Variants in ASIC2 observed in about 807,000 individuals in gnomAD.
The protein encoded by ASIC2 is acid sensing ion channel subunit 2.
In ASIC2, 25 loss-of-function variants were observed where a neutral mutation model predicts 57.3. The ratio of observed to expected loss-of-function variants is 0.44; its 90% confidence interval spans 0.32 to 0.61. ASIC2 has a LOEUF of 0.61. ASIC2 is among the 20% of genes least tolerant of loss of function. The probability of loss-of-function intolerance (pLI) is 0.06; values close to 1 mark genes in which losing one functional copy is unlikely to be tolerated. For missense variants in ASIC2, 641 were observed against 738.1 expected, an observed-to-expected ratio of 0.87 and a Z score of 1.52; for synonymous variants, 319 against 307.5, an observed-to-expected ratio of 1.04 and a Z score of -0.39.
intron 1 of ASIC2, among the ~76,000 whole-genome samples, chr17:33,261,921 C>T (rs4795757): frequency 6.6e-6 from 1 of 151,994 alleles, no homozygotes; most frequent in Non-Finnish European, 1.5e-5. Flanking sequence ...ATCTGGGTGC[C>T]GTGGCCTCTT....
intron 1 of ASIC2, among the ~76,000 whole-genome samples, chr17:33,728,314 C>T (rs1909628187): frequency 6.6e-6 from 1 of 152,106 alleles, no homozygotes; most frequent in Non-Finnish European, 1.5e-5. Context: ...CAGACCTCAC[C>T]ACAGACTCAG....
At chr17:33,178,940 C>T (rs1714564272) in intron 1 of ASIC2, among the ~76,000 whole-genome samples, 1 of 152,196 alleles carries the variant, frequency 6.6e-6, no homozygotes, top group African/African-American at 2.4e-5. Flanking sequence ...TCATTGCAGC[C>T]CAGAACTCAT....
chr17:33,258,599 G>C (rs185878403), intron 1 of ASIC2, among the ~76,000 whole-genome samples: 1 of 152,304 alleles, frequency 6.6e-6, no homozygotes, highest in East Asian at 1.9e-4. Context: ...GGTAGTAGAG[G>C]TGAGTTTGTT....
chr17:33,783,114 C>T lies in ASIC2; in HGVS notation c.555+372864G>A, dbSNP rs574609251. On this transcript the variant is annotated intron_variant, in intron 1 of 9. Coordinates refer to the ASIC2 transcript ENST00000359872. ...TTCACCCCATCACTTTCCATCACCA[C>T]ACTGTGCAGTTTCCTTCTTGGCACC... 2.0e-5 allele frequency among the ~76,000 whole-genome samples: 3 copies of T among 152,342 alleles called. No individual in the cohort carries two copies. In the South Asian group the frequency reaches 6.2e-4, roughly 32 times the overall value.
chr17:33,509,265 C>T (rs1438998703), intron 1 of ASIC2, among the ~76,000 whole-genome samples: 6 of 152,114 alleles, frequency 3.9e-5, no homozygotes, highest in Non-Finnish European at 5.9e-5. Flanking sequence ...TAATGGGGAC[C>T]ATTTAAAGGT....
intron 1 of ASIC2, among the ~76,000 whole-genome samples, chr17:33,849,376 A>G (rs1485137331): frequency 6.6e-6 from 1 of 152,154 alleles, no homozygotes; most frequent in Non-Finnish European, 1.5e-5. Flanking sequence ...AGAGGTACAG[A>G]TCATTATCAT....
intron 1 of ASIC2, among the ~76,000 whole-genome samples, chr17:33,553,522 A>G (rs759135884): frequency 5.3e-5 from 8 of 151,182 alleles, no homozygotes; most frequent in Non-Finnish European, 1.2e-4. Context: ...TTATTTTGAG[A>G]TGGAGGTCTC....
chr17:34,057,834 C>A (rs1053944513), intron 1 of ASIC2, among the ~76,000 whole-genome samples: 29 of 152,112 alleles, frequency 1.9e-4, no homozygotes, highest in African/African-American at 7.0e-4. Flanking sequence ...TTTGGAAATG[C>A]CTGTGATAGA....
At chr17:33,270,991 C>T (rs1209309002) in intron 1 of ASIC2, among the ~76,000 whole-genome samples, 1 of 152,196 alleles carries the variant, frequency 6.6e-6, no homozygotes, top group Non-Finnish European at 1.5e-5. Context: ...AATGGCACCA[C>T]CAGGACCTGG....
At chr17:33,617,292 T>G (rs1905638447) in intron 1 of ASIC2, among the ~76,000 whole-genome samples, 1 of 152,202 alleles carries the variant, frequency 6.6e-6, no homozygotes, top group South Asian at 2.1e-4. Context: ...ATGTGGTACA[T>G]ATATACTGTG....
intron 1 of ASIC2, among the ~76,000 whole-genome samples, chr17:33,767,171 A>G (rs900416773): frequency 1.3e-5 from 2 of 152,160 alleles, no homozygotes; most frequent in Non-Finnish European, 2.9e-5. Context: ...CTGGTGCCTC[A>G]TTGTGCAAGG....
chr17:33,568,842 T>A (rs1191631036), intron 1 of ASIC2, among the ~76,000 whole-genome samples: 1 of 152,136 alleles, frequency 6.6e-6, no homozygotes, highest in East Asian at 1.9e-4. Context: ...CAGCTTAAGG[T>A]CATATTGTGG....
intron 1 of ASIC2, among the ~76,000 whole-genome samples, chr17:33,199,717 A>G (rs1906778941): frequency 6.6e-6 from 1 of 152,240 alleles, no homozygotes; most frequent in African/African-American, 2.4e-5. Flanking sequence ...CAGGCTCAGA[A>G]ATCGATGGGC....
intron 1 of ASIC2, among the ~76,000 whole-genome samples, chr17:33,354,286 G>A (rs571917093): frequency 1.3e-5 from 2 of 152,240 alleles, no homozygotes; most frequent in South Asian, 4.2e-4. Context: ...GTTCATGACG[G>A]TCTTTAAATC....
chr17:33,852,524 C>A (rs1913799076), intron 1 of ASIC2, among the ~76,000 whole-genome samples: 2 of 151,860 alleles, frequency 1.3e-5, no homozygotes, highest in South Asian at 4.2e-4. Flanking sequence ...TGATCTTAAT[C>A]CACATGTAAG....
chr17:33,488,532 T>C (rs1309479063), intron 1 of ASIC2, among the ~76,000 whole-genome samples: 1 of 152,256 alleles, frequency 6.6e-6, no homozygotes, highest in African/African-American at 2.4e-5. Flanking sequence ...TGTGTTTATT[T>C]TGGTACTTGT....
intron 1 of ASIC2, among the ~76,000 whole-genome samples, chr17:34,074,782 C>CTTTTTTTTTTTTTTTT (rs35010578): frequency 1.8e-5 from 2 of 113,942 alleles, no homozygotes; most frequent in African/African-American, 3.5e-5. Flanking sequence ...TTCTTTCTTT[C>CTTTTTTTTTTTTTTTT]TTTTTTTTTT....
chr17:33,354,215 G>C (rs1908291880), intron 1 of ASIC2, among the ~76,000 whole-genome samples: 1 of 152,090 alleles, frequency 6.6e-6, no homozygotes, highest in Admixed American at 6.5e-5. Flanking sequence ...GATGACATTT[G>C]GCTGGGGACA....
intron 1 of ASIC2, among the ~76,000 whole-genome samples, chr17:33,308,035 T>A (rs1057003977): frequency 6.6e-6 from 1 of 152,224 alleles, no homozygotes; most frequent in Non-Finnish European, 1.5e-5. Flanking sequence ...GTCTTTTCCA[T>A]GAAGGAAAGG....
Sources: gnomAD v4.1 joint callset for allele counts (sites outside exome capture counted in the v4.1 genomes callset) on GRCh38, gnomAD v4.1.1 for gene constraint, MANE v1.5 for transcripts, NCBI Gene and HGNC (gene_info 2026-07-23, HGNC 2026-07-21) for gene names.